CIMIP5: variants seen among roughly 807,000 people sequenced by gnomAD.
The protein encoded by CIMIP5 is ciliary microtubule inner protein 5.
At chr2:11,143,728 G>A in the CIMIP5 span, among the ~76,000 whole-genome samples, 5 of 152,264 alleles carry the variant, frequency 3.3e-5, no homozygotes, top group East Asian at 9.7e-4. Context: ...GGGAAGTGGA[G>A]GAAGAGGAGG....
chr2:11,146,928 A>T, the CIMIP5 span: 8 of 152,406 alleles, frequency 5.2e-5, no homozygotes, highest in Admixed American at 1.3e-4. Flanking sequence ...CACACTCAAA[A>T]TAAAGAAGAT....
chr2:11,137,115 A>G, the CIMIP5 span, among the ~76,000 whole-genome samples: 1 of 152,222 alleles, frequency 6.6e-6, no homozygotes, highest in Non-Finnish European at 1.5e-5. Context: ...GCTCACACCT[A>G]TAATCCCAGC....
the CIMIP5 span, among the ~76,000 whole-genome samples, chr2:11,140,333 C>G: frequency 2.0e-5 from 3 of 149,602 alleles, no homozygotes; most frequent in African/African-American, 7.4e-5. Context: ...CAAGATTGCG[C>G]CACGGCACTC....
chr2:11,137,298 C>T, the CIMIP5 span, among the ~76,000 whole-genome samples: 8 of 152,092 alleles, frequency 5.3e-5, no homozygotes, highest in East Asian at 1.4e-3. Flanking sequence ...TGCTTGAACC[C>T]GGCAGGCAGA....
At chr2:11,145,341 G>C in the CIMIP5 span, 1 of 152,072 alleles carries the variant, frequency 6.6e-6, no homozygotes, top group Admixed American at 6.6e-5. Flanking sequence ...ATGTTGACCA[G>C]GCTGGTCTTG....
At chr2:11,152,831 AC>A in the CIMIP5 span, among the ~76,000 whole-genome samples, 1 of 151,854 alleles carries the variant, frequency 6.6e-6, no homozygotes, top group African/African-American at 2.4e-5. Flanking sequence ...GGGGGCTGAG[AC>A]CCAAACGCCT....
chr2:11,136,025 A>G, the CIMIP5 span, among the ~76,000 whole-genome samples: 2 of 152,168 alleles, frequency 1.3e-5, no homozygotes, highest in South Asian at 2.1e-4. Flanking sequence ...ATATTTTGGA[A>G]ATTAACTCCT....
the CIMIP5 span, among the ~76,000 whole-genome samples, chr2:11,141,248 C>G: frequency 6.6e-6 from 1 of 151,350 alleles, no homozygotes; most frequent in Non-Finnish European, 1.5e-5. Flanking sequence ...CCTGCCTCAG[C>G]CTCCTGAGTA....
chr2:11,137,159 AG>A, the CIMIP5 span, among the ~76,000 whole-genome samples: 5 of 152,276 alleles, frequency 3.3e-5, no homozygotes, highest in East Asian at 9.7e-4. Flanking sequence ...GATCACCTGA[AG>A]TCAGGAGTTC....
At chr2:11,146,379 TC>T in the CIMIP5 span, among the ~76,000 whole-genome samples, 2 of 152,152 alleles carry the variant, frequency 1.3e-5, no homozygotes, top group Admixed American at 6.6e-5. Flanking sequence ...GCTATATGGG[TC>T]CCCTTTAATC....
At chr2:11,147,737 C>T in the CIMIP5 span, among the ~76,000 whole-genome samples, 28 of 152,362 alleles carry the variant, frequency 1.8e-4, no homozygotes, top group Admixed American at 2.6e-4. Flanking sequence ...CCTGTCATCA[C>T]GCCAAATCCC....
At chr2:11,137,349 G>A in the CIMIP5 span, among the ~76,000 whole-genome samples, 199 of 152,218 alleles carry the variant, frequency 1.3e-3, no homozygotes, top group African/African-American at 4.5e-3. Context: ...ACTCCAGCCT[G>A]GGTGACAGAG....
the CIMIP5 span, among the ~76,000 whole-genome samples, chr2:11,151,222 G>T: frequency 0.24 from 37,006 of 152,164 alleles, 4,857 homozygotes; most frequent in East Asian, 0.48. Flanking sequence ...TGATGTCTCA[G>T]GTCTCCCTAA....
At chr2:11,149,803 T>C in the CIMIP5 span, among the ~76,000 whole-genome samples, 1 of 152,168 alleles carries the variant, frequency 6.6e-6, no homozygotes, top group African/African-American at 2.4e-5. Flanking sequence ...CAGCCCGTGA[T>C]CCTTGACTGG....
At chr2:11,144,069 G>T in the CIMIP5 span, 1 of 1,597,570 alleles carries the variant, frequency 6.3e-7, no homozygotes, top group South Asian at 1.1e-5. Flanking sequence ...TCACAGAAGG[G>T]GCCCGGAAGA....
the CIMIP5 span, among the ~76,000 whole-genome samples, chr2:11,152,055 T>G: frequency 6.6e-6 from 1 of 152,262 alleles, no homozygotes; most frequent in Non-Finnish European, 1.5e-5. Flanking sequence ...CGCTGTCTTC[T>G]GTTCCCGAGC....
chr2:11,138,448 G>GT, the CIMIP5 span, among the ~76,000 whole-genome samples: 1 of 152,116 alleles, frequency 6.6e-6, no homozygotes, highest in Non-Finnish European at 1.5e-5. Flanking sequence ...AAGAACAAAG[G>GT]GAAGGGCAGG....
chr2:11,153,584 C>T, the CIMIP5 span, among the ~76,000 whole-genome samples: 1 of 152,240 alleles, frequency 6.6e-6, no homozygotes, highest in Non-Finnish European at 1.5e-5. Flanking sequence ...GAAAGTAAAA[C>T]ACCTGGCACG....
the CIMIP5 span, chr2:11,140,448 A>G: frequency 8.0e-7 from 1 of 1,244,294 alleles, no homozygotes; most frequent in South Asian, 1.5e-5. Flanking sequence ...TGACACAGTG[A>G]AAGTCATTGG....
Sources: gnomAD v4.1 joint callset for allele counts (sites outside exome capture counted in the v4.1 genomes callset) on GRCh38, gnomAD v4.1.1 for gene constraint, MANE v1.5 for transcripts, NCBI Gene and HGNC (gene_info 2026-07-23, HGNC 2026-07-21) for gene names.